EFCAB5: variants seen among roughly 807,000 people sequenced by gnomAD.
EFCAB5 encodes EF-hand calcium binding domain 5, also known as EF-hand calcium-binding domain-containing protein 5.
Under a neutral mutation model 167.9 loss-of-function variants are expected in EFCAB5, and 131 were observed. The observed-to-expected ratio is 0.78, with a 90% CI of 0.68 to 0.90. EFCAB5 has a LOEUF of 0.90. EFCAB5 is among the 40% of genes least tolerant of loss of function. The probability of loss-of-function intolerance (pLI) is 0.00; values close to 1 mark genes in which losing one functional copy is unlikely to be tolerated. For synonymous variants in EFCAB5, 574 were observed against 602.8 expected (o/e 0.95, Z 0.70); for missense variants, 1,663 against 1,745.2 (o/e 0.95, Z 0.84).
chr17:29,950,759 A>G (rs953361347), intron 3 of EFCAB5: 1 of 152,220 alleles, frequency 6.6e-6, no homozygotes, highest in Non-Finnish European at 1.5e-5. Context: ...CATACAAAAT[A>G]TGTGTTAATC....
At chr17:30,094,507 C>CAAAAAA (rs57885339) in intron 22 of EFCAB5, among the ~76,000 whole-genome samples, 2 of 40,704 alleles carry the variant, frequency 4.9e-5, no homozygotes, top group Non-Finnish European at 1.1e-4. Flanking sequence ...CTTGTCTCTC[C>CAAAAAA]AAAAAAAAAA....
chr17:30,077,809 T>G (rs182924566), intron 14 of EFCAB5, among the ~76,000 whole-genome samples: 1 of 152,260 alleles, frequency 6.6e-6, no homozygotes, highest in Admixed American at 6.5e-5. Context: ...CATTTACTAT[T>G]GTTAAGTCAA....
intron 3 of EFCAB5, among the ~76,000 whole-genome samples, chr17:29,951,128 TAAGAG>T (rs2067499953): frequency 6.6e-6 from 1 of 152,186 alleles, no homozygotes; most frequent in Non-Finnish European, 1.5e-5. Flanking sequence ...CATATTGGAA[TAAGAG>T]AAGAGGCCAA....
chr17:29,983,709 C>G (rs1432871453), intron 4 of EFCAB5, among the ~76,000 whole-genome samples: 4 of 152,142 alleles, frequency 2.6e-5, no homozygotes, highest in African/African-American at 9.7e-5. Context: ...TGAGATAATG[C>G]AGGCTACAGA....
chr17:29,940,418 A>G (rs2151511731), upstream of EFCAB5, among the ~76,000 whole-genome samples: 1 of 152,240 alleles, frequency 6.6e-6, no homozygotes, highest in East Asian at 1.9e-4. Context: ...TCATCCTTTT[A>G]AGACCTAACC....
intron 7 of EFCAB5, among the ~76,000 whole-genome samples, chr17:30,022,166 A>G (rs2069195440): frequency 6.6e-6 from 1 of 152,176 alleles, no homozygotes; most frequent in African/African-American, 2.4e-5. Context: ...ATCATAGTAA[A>G]TGAAGACCCA....
At chr17:29,930,236 C>T (rs1389771905) in intron 1 of EFCAB5, 1 of 537,700 alleles carries the variant, frequency 1.9e-6, no homozygotes, top group Non-Finnish European at 3.3e-6. Flanking sequence ...AATGAGCGCT[C>T]CCAGTGCGCA....
chr17:30,060,300 A>T (rs62070302), intron 14 of EFCAB5, among the ~76,000 whole-genome samples: 2,629 of 152,184 alleles, frequency 0.017, 31 homozygotes, highest in Middle Eastern at 0.031. Context: ...TTCTTGTTTT[A>T]TCTCTTTGTC....
chr17:29,986,708 G>T (rs1489705029), intron 4 of EFCAB5, among the ~76,000 whole-genome samples: 1 of 135,908 alleles, frequency 7.4e-6, no homozygotes, highest in African/African-American at 2.8e-5. Context: ...GTGCAGTGGC[G>T]CAATCTCGGC....
At chr17:29,944,617 G>GTTTTTTTT (rs1223652580) in intron 3 of EFCAB5, among the ~76,000 whole-genome samples, 13 of 139,498 alleles carry the variant, frequency 9.3e-5, no homozygotes, top group South Asian at 2.3e-4. Flanking sequence ...GTTGTTTTCT[G>GTTTTTTTT]TTTTGTTTTG....
At chr17:30,057,607 C>A in intron 12 of EFCAB5, 69 bp from the exon 13 acceptor site, 2 of 1,279,278 alleles carry the variant, frequency 1.6e-6, no homozygotes, top group Non-Finnish European at 2.2e-6. Context: ...TTACAATAGG[C>A]ACTCATTTAT....
chr17:30,083,963 C>A (rs1048420576), intron 18 of EFCAB5, among the ~76,000 whole-genome samples: 4 of 152,122 alleles, frequency 2.6e-5, no homozygotes, highest in Non-Finnish European at 5.9e-5. Flanking sequence ...TGCTTTGCTT[C>A]TTTATACTTT....
At chr17:29,965,829 T>C (rs1301323642) in intron 3 of EFCAB5, among the ~76,000 whole-genome samples, 1 of 152,238 alleles carries the variant, frequency 6.6e-6, no homozygotes. Flanking sequence ...TAAAGTTTTA[T>C]AGCTTTCTTC....
At chr17:29,966,232 GTCTT>G (rs1472435754) in intron 3 of EFCAB5, among the ~76,000 whole-genome samples, 17 of 152,126 alleles carry the variant, frequency 1.1e-4, no homozygotes, top group Non-Finnish European at 2.5e-4. Flanking sequence ...GAAGATTTGT[GTCTT>G]TCTTCAGTTC....
At chr17:30,039,941 G>A (rs1001430910) in intron 8 of EFCAB5, among the ~76,000 whole-genome samples, 1 of 152,190 alleles carries the variant, frequency 6.6e-6, no homozygotes, top group Non-Finnish European at 1.5e-5. Context: ...AGTCTCAGTA[G>A]TAGAAATAGG....
chr17:29,993,024 G>A, intron 4 of EFCAB5, 141 bp from the exon 5 acceptor site: 1 of 720,038 alleles, frequency 1.4e-6, no homozygotes, highest in Non-Finnish European at 2.0e-6. Flanking sequence ...TGGAAGAAGG[G>A]CTCACTACAG....
Position 30,080,167 on chromosome 17 carries a change from G to A in EFCAB5, c.3123G>A (p.Arg1041=), listed in dbSNP as rs776146532. ...LLPEKGNVLL[R]NVACTLDDAQ... ...CTGAGAAAGGGAATGTTCTATTGAG[G>A]AATGTGGCTTGTACCTTAGATGATG... The change falls in exon 16 of 23, where the codon AGG becomes AGA. Residue 1041 remains arginine (R), a synonymous_variant. Transcript: ENST00000394835. The A allele has an allele frequency of 1.2e-6, 2 of 1,613,888 alleles. No homozygotes were observed. The highest frequency in any genetic ancestry group is 3.3e-5 in the Admixed American group (2 of 60,010).
At chr17:30,085,420 T>C (rs1197319470) in intron 18 of EFCAB5, among the ~76,000 whole-genome samples, 1 of 152,224 alleles carries the variant, frequency 6.6e-6, no homozygotes, top group Non-Finnish European at 1.5e-5. Flanking sequence ...CATGTCCAAA[T>C]TCCTGGAATC....
At chr17:30,069,104 G>C (rs1471922566) in intron 14 of EFCAB5, 2 of 1,478,982 alleles carry the variant, frequency 1.4e-6, no homozygotes, top group African/African-American at 2.8e-5. Flanking sequence ...CGAGTTAAAA[G>C]AGTGGTGGAT....
Sources: allele counts gnomAD v4.1 joint callset (sites outside exome capture counted in the v4.1 genomes callset), GRCh38; gene constraint gnomAD v4.1.1; transcripts MANE v1.5; gene names NCBI Gene and HGNC (gene_info 2026-07-23, HGNC 2026-07-21).